Variants in ADSL observed in about 807,000 individuals in gnomAD.
ADSL encodes the protein adenylosuccinase.
In ADSL, 44 loss-of-function variants were observed where a neutral mutation model predicts 62.1. The observed-to-expected ratio is 0.71, with a 90% confidence interval of 0.56 to 0.91. The LOEUF (loss-of-function observed/expected upper bound fraction) is 0.91. Ranked by LOEUF, ADSL falls within the 40% of genes least tolerant of loss-of-function variation. The pLI is 0.00. For missense variants in ADSL, 531 were observed against 627.4 expected (o/e 0.85, Z 1.64); for synonymous variants, 198 against 220.5 (o/e 0.90, Z 0.90).
intron 10 of ADSL, 45 bp from the exon 11 acceptor site, chr22:40,364,230 AC>A: frequency 6.5e-7 from 1 of 1,550,380 alleles, no homozygotes; most frequent in African/African-American, 1.4e-5. Context: ...TATGACTTTA[AC>A]CTTGAGGCAC....
At chr22:40,351,194 G>A (rs1340243858) in intron 2 of ADSL, among the ~76,000 whole-genome samples, 5 of 150,942 alleles carry the variant, frequency 3.3e-5, no homozygotes, top group African/African-American at 1.2e-4. Flanking sequence ...TTTGGAGACA[G>A]AGTTTTGCTC....
rs113199851 is a variant in ADSL, at chr22:40,353,069, G to C, written c.358-4G>C. On this transcript the variant is annotated splice_region_variant and splice_polypyrimidine_tract_variant and intron_variant, in intron 2 of 12. Transcript: ENST00000623063. ...ATATAAGATCATTGCATTTTCTTTC[G>C]TAGGACTTGATTATTCTTAGAAATG... is the stretch of plus-strand genomic sequence containing the variant. 1.2e-6 allele frequency: 2 copies of C among 1,612,796 alleles called. No homozygotes were observed. Among genetic ancestry groups the C allele is most frequent in the Non-Finnish European group, 1.7e-6 (2 of 1,178,874 alleles).
At chr22:40,365,686 A>G (rs566950062) in intron 12 of ADSL, among the ~76,000 whole-genome samples, 1 of 152,186 alleles carries the variant, frequency 6.6e-6, no homozygotes, top group Admixed American at 6.6e-5. Flanking sequence ...CCTGGGCAAC[A>G]TGGTGAAACC....
chr22:40,369,451 TTA>T (rs943060286), downstream of ADSL: 3 of 147,850 alleles, frequency 2.0e-5, no homozygotes, highest in Admixed American at 1.4e-4. Context: ...TTCATATATA[TTA>T]TATATAATAT....
At chr22:40,376,015 C>G (rs747113576) in intron 2 of ADSL, among the ~76,000 whole-genome samples, 1 of 151,388 alleles carries the variant, frequency 6.6e-6, no homozygotes, top group Non-Finnish European at 1.5e-5. Context: ...ACCACACACT[C>G]CAGCCTGGGT....
At chr22:40,376,937 A>T (rs1292453499) in intron 2 of ADSL, among the ~76,000 whole-genome samples, 1 of 152,216 alleles carries the variant, frequency 6.6e-6, no homozygotes, top group Admixed American at 6.5e-5. Context: ...TTTGATTGTC[A>T]TAGGAATAAC....
At chr22:40,387,186 G>A (rs2048608270) in intron 2 of ADSL, 1 of 398,524 alleles carries the variant, frequency 2.5e-6, no homozygotes, top group Non-Finnish European at 4.4e-6. Flanking sequence ...TGTGATGAAT[G>A]CTTAACACAT....
At chr22:40,380,428 A>G (rs2047380386) in intron 2 of ADSL, among the ~76,000 whole-genome samples, 2 of 145,978 alleles carry the variant, frequency 1.4e-5, no homozygotes. Context: ...GTGCAGTGGC[A>G]CTATCTCAGC....
chr22:40,387,219 G>A (rs757783279), intron 2 of ADSL: 13 of 398,272 alleles, frequency 3.3e-5, no homozygotes, highest in Non-Finnish European at 5.3e-5. Flanking sequence ...TCTTTCATAG[G>A]TTTCCTTCTG....
chr22:40,353,040 C>T, intron 2 of ADSL, 33 bp from the exon 3 acceptor site: 2 of 1,595,346 alleles, frequency 1.3e-6, no homozygotes, highest in Non-Finnish European at 1.7e-6. Flanking sequence ...AGCAAAGCTG[C>T]TAAATATAAG....
rs182198609 is a variant in ADSL at position 40,353,523 on chromosome 22, A to T, written c.402+406A>T. The stretch of plus-strand genomic sequence containing the variant: ...GGTCTCAAACTCCTGAGCTCAAGGG[A>T]TCCACCCGTCTTGGCCTTTCAAAGT... On this transcript the variant is annotated intron_variant, in intron 3 of 12. Transcript: ENST00000623063. 9.0e-4 allele frequency: 572 copies of T among 636,572 alleles called. 3 individuals carry two copies. In the African/African-American group the frequency reaches 9.6e-3, roughly 11 times the overall value. 39.4% of individuals were successfully genotyped at this position (636,572 alleles called of 1,614,324 possible). A position where few individuals can be genotyped will look rare whatever the true frequency, so the allele number is the denominator to read the frequency against.
chr22:40,380,676 C>G (rs1348262745), intron 2 of ADSL, among the ~76,000 whole-genome samples: 3 of 152,164 alleles, frequency 2.0e-5, no homozygotes, highest in Admixed American at 2.0e-4. Flanking sequence ...TGGCTCACAC[C>G]TGTAATCCCA....
At chr22:40,346,739 G>C in intron 1 of ADSL, 28 bp downstream of exon 1, 1 of 1,581,196 alleles carries the variant, frequency 6.3e-7, no homozygotes, top group Non-Finnish European at 8.6e-7. Context: ...GAGGGGCTGG[G>C]CCGGGAGGGA....
At position 40,368,988 on chromosome 22, in the gene ADSL, G is replaced by C. The variant is rs1383263056; in HGVS notation, c.*2466G>C. ...CTGACACAAGGAAATTAAGTCATGG[G>C]ACTCTGACCAGATATTCTGTCTACT... is the stretch of plus-strand genomic sequence containing the variant. On this transcript the variant is annotated 3_prime_UTR_variant, in exon 13 of 13. Coordinates refer to ENST00000623063, the MANE Select transcript of ADSL (RefSeq NM_000026.4). 6.6e-6 allele frequency: 1 copy of C among 152,174 alleles called. No homozygotes were observed. Among genetic ancestry groups the C allele is most frequent in the Non-Finnish European group, 1.5e-5 (1 of 68,044 alleles). 9.4% of individuals were successfully genotyped at this position (152,174 alleles called of 1,614,324 possible). A position where few individuals can be genotyped will look rare whatever the true frequency, so the allele number is the denominator to read the frequency against.
chr22:40,382,739 C>T (rs975249531), intron 2 of ADSL, among the ~76,000 whole-genome samples: 7 of 152,188 alleles, frequency 4.6e-5, no homozygotes, highest in Non-Finnish European at 1.0e-4. Context: ...GTGTGAGATA[C>T]GTTATATTGT....
chr22:40,370,630 T>G (rs1235148348), downstream of ADSL: 1 of 152,450 alleles, frequency 6.6e-6, no homozygotes, highest in Non-Finnish European at 1.5e-5. Context: ...GCTGACTGGG[T>G]GCGAGTGGGG....
At chr22:40,350,281 A>C (rs1204220172) in intron 2 of ADSL, 10 of 455,788 alleles carry the variant, frequency 2.2e-5, no homozygotes, top group Non-Finnish European at 3.6e-5. Context: ...CCACCACCAC[A>C]CTCGGCTAAT....
At chr22:40,354,434 T>A in intron 4 of ADSL, 107 bp downstream of exon 4, 1 of 910,664 alleles carries the variant, frequency 1.1e-6, no homozygotes, top group Non-Finnish European at 1.8e-6. Flanking sequence ...AAAACATGAT[T>A]TAAATATAAG....
At chr22:40,376,945 A>C (rs1190049238) in intron 2 of ADSL, among the ~76,000 whole-genome samples, 1 of 152,240 alleles carries the variant, frequency 6.6e-6, no homozygotes, top group African/African-American at 2.4e-5. Context: ...TCATAGGAAT[A>C]ACCAAATATG....
Sources: allele counts gnomAD v4.1 joint callset (sites outside exome capture counted in the v4.1 genomes callset), GRCh38; gene constraint gnomAD v4.1.1; transcripts MANE v1.5; gene names NCBI Gene and HGNC (gene_info 2026-07-23, HGNC 2026-07-21).